The following DEFB134 variants were observed in gnomAD, a reference collection of about 807,000 sequenced individuals.
The protein encoded by DEFB134 is defensin beta 134.
In DEFB134, 7 loss-of-function variants were observed where a neutral mutation model predicts 7.4. The ratio of observed to expected loss-of-function variants is 0.95; its 90% CI spans 0.54 to 1.79. DEFB134 has a LOEUF of 1.79. Among genes scored for constraint, DEFB134 ranks in the 40% most tolerant of loss-of-function variants. The pLI is 0.00. For synonymous variants in DEFB134, 33 were observed against 25.0 expected (o/e 1.32, Z -0.96); for missense variants, 105 against 74.8 (o/e 1.40, Z -1.49).
At chr8:11,997,023 A>G (rs376623242), upstream of DEFB134, among the ~76,000 whole-genome samples, 24 of 152,330 alleles carry the variant, frequency 1.6e-4, no homozygotes, top group African/African-American at 5.3e-4. Context: ...AATAATGAAC[A>G]TATCCATTCC....
chr8:11,999,246 T>A, upstream of DEFB134: 1 of 207,534 alleles, frequency 4.8e-6, no homozygotes, highest in East Asian at 1.3e-4. Flanking sequence ...ATAAAGGTCA[T>A]AAACAGTATA....
At chr8:11,996,296 C>T (rs370394442) in exon 1 of DEFB134, 128 of 1,606,274 alleles carry the variant, frequency 8.0e-5, no homozygotes, top group South Asian at 7.7e-5. Context: ...GGTCTGACAT[C>T]GGCTGTCAGG....
chr8:11,996,674 T>C (rs922102331), upstream of DEFB134, among the ~76,000 whole-genome samples: 2 of 152,244 alleles, frequency 1.3e-5, no homozygotes, highest in African/African-American at 4.8e-5. Context: ...TGAACTGCTC[T>C]TCTCAGAGAC....
chr8:11,994,208 G>T, intron 1 of DEFB134, 86 bp from the exon 3 acceptor site: 2 of 1,440,318 alleles, frequency 1.4e-6, no homozygotes, highest in African/African-American at 1.4e-5. Flanking sequence ...TATCCAACCG[G>T]ATACCAAGGA....
At chr8:11,995,764 A>G (rs1057427413) in intron 1 of DEFB134, among the ~76,000 whole-genome samples, 3 of 152,216 alleles carry the variant, frequency 2.0e-5, no homozygotes, top group East Asian at 3.8e-4. Context: ...ATTAGAGACA[A>G]AATAACAGCA....
chr8:11,999,602 T>G (rs1398220470), upstream of DEFB134: 2 of 100,722 alleles, frequency 2.0e-5, no homozygotes, highest in Non-Finnish European at 4.6e-5. Context: ...GGTCACCAAC[T>G]ACCAGCAATT....
chr8:11,997,408 C>A (rs1264826173), upstream of DEFB134, among the ~76,000 whole-genome samples: 1 of 152,160 alleles, frequency 6.6e-6, no homozygotes. Flanking sequence ...TGGATATATG[C>A]TTTCATTTTT....
upstream of DEFB134, among the ~76,000 whole-genome samples, chr8:11,997,049 A>G (rs1720083132): frequency 2.0e-5 from 3 of 152,124 alleles, no homozygotes; most frequent in African/African-American, 4.8e-5. Flanking sequence ...ACATTTTTTC[A>G]TGCCTTCTGT....
At chr8:11,996,197 C>A (rs773463494) in exon 1 of DEFB134, 1 of 1,613,646 alleles carries the variant, frequency 6.2e-7, no homozygotes, top group South Asian at 1.1e-5. Context: ...GTTTTACCTG[C>A]CAGCACTGGA....
chr8:11,995,987 G>T (rs1339265089), intron 1 of DEFB134, among the ~76,000 whole-genome samples: 1 of 145,134 alleles, frequency 6.9e-6, no homozygotes, highest in Non-Finnish European at 1.5e-5. Context: ...AAGGCTCAGA[G>T]AAGCTTAGAC....
chr8:11,996,544 C>T (rs1268011436), upstream of DEFB134, among the ~76,000 whole-genome samples: 32 of 152,182 alleles, frequency 2.1e-4, 1 homozygote, highest in Admixed American at 2.1e-3. Context: ...ACTATGTGCT[C>T]TTACTCTTTT....
intron 1 of DEFB134, 71 bp from the exon 3 acceptor site, chr8:11,994,193 AT>A: frequency 6.6e-7 from 1 of 1,504,848 alleles, no homozygotes; most frequent in Non-Finnish European, 8.9e-7. Flanking sequence ...TAGTCCCTCA[AT>A]TTTTATCCAA....
intron 1 of DEFB134, 89 bp downstream of exon 2, chr8:11,996,105 C>A: frequency 1.4e-6 from 2 of 1,475,638 alleles, no homozygotes; most frequent in Non-Finnish European, 1.9e-6. Flanking sequence ...AATTAAAGGG[C>A]CCATGGGTGG....
intron 1 of DEFB134, among the ~76,000 whole-genome samples, chr8:11,995,614 T>G (rs559478114): frequency 6.6e-5 from 10 of 152,348 alleles, no homozygotes; most frequent in African/African-American, 2.4e-4. Context: ...AAACTAGCCG[T>G]TCTAAATCTG....
upstream of DEFB134, among the ~76,000 whole-genome samples, chr8:11,999,671 A>C (rs1450834029): frequency 6.6e-6 from 1 of 152,220 alleles, no homozygotes; most frequent in African/African-American, 2.4e-5. Context: ...TAAAAGGTAA[A>C]GAAGAATTTC....
chr8:11,997,806 G>A (rs1004291738), upstream of DEFB134, among the ~76,000 whole-genome samples: 1 of 152,176 alleles, frequency 6.6e-6, no homozygotes, highest in South Asian at 2.1e-4. Context: ...GTGTTAAGCA[G>A]ATACTTGAGG....
upstream of DEFB134, among the ~76,000 whole-genome samples, chr8:11,996,665 G>A (rs535136586): frequency 6.6e-6 from 1 of 152,286 alleles, no homozygotes; most frequent in African/African-American, 2.4e-5. Flanking sequence ...AGTTACAGAT[G>A]AACTGCTCTT....
chr8:11,995,421 A>G (rs1800092422), intron 1 of DEFB134, among the ~76,000 whole-genome samples: 3 of 152,236 alleles, frequency 2.0e-5, no homozygotes, highest in African/African-American at 7.2e-5. Context: ...AGATGAACCA[A>G]TCTGACTGGA....
upstream of DEFB134, chr8:11,999,296 ACT>A (rs1188687381): frequency 1.4e-5 from 3 of 216,066 alleles, no homozygotes; most frequent in Admixed American, 1.3e-4. Flanking sequence ...GCCAGCAATC[ACT>A]CTGAGAAAAA....
Sources: gnomAD v4.1 joint callset for allele counts (sites outside exome capture counted in the v4.1 genomes callset) on GRCh38, gnomAD v4.1.1 for gene constraint, MANE v1.5 for transcripts, NCBI Gene and HGNC (gene_info 2026-07-23, HGNC 2026-07-21) for gene names.